The following ENPP6 variants were observed in gnomAD, a reference collection of about 807,000 sequenced individuals.
The protein encoded by ENPP6 is glycerophosphocholine cholinephosphodiesterase ENPP6.
In ENPP6, 32 loss-of-function variants were observed where a neutral mutation model predicts 42.0. The ratio of observed to expected loss-of-function variants is 0.76; its 90% CI spans 0.58 to 1.02. The LOEUF is 1.02. ENPP6 is among the 50% of genes least tolerant of loss of function. The pLI is 0.00. For synonymous variants in ENPP6, 213 were observed against 216.0 expected (o/e 0.99, Z 0.12); for missense variants, 552 against 566.8 (o/e 0.97, Z 0.27).
At chr4:184,201,849 G>A (rs987056866) in intron 1 of ENPP6, among the ~76,000 whole-genome samples, 1 of 152,176 alleles carries the variant, frequency 6.6e-6, no homozygotes, top group Non-Finnish European at 1.5e-5. Context: ...CTTAATCGAG[G>A]CTCATTACAG....
intron 7 of ENPP6, among the ~76,000 whole-genome samples, chr4:184,094,516 T>C (rs1351989056): frequency 6.6e-6 from 1 of 152,226 alleles, no homozygotes; most frequent in South Asian, 2.1e-4. Context: ...CAGGCTGGAA[T>C]GAGAAAGCTT....
chr4:184,183,271 C>G (rs1476257349), intron 1 of ENPP6, among the ~76,000 whole-genome samples: 1 of 152,182 alleles, frequency 6.6e-6, no homozygotes, highest in East Asian at 1.9e-4. Flanking sequence ...ATTAGGCAGA[C>G]ACTGAGTATG....
chr4:184,208,364 G>A lies in ENPP6; in HGVS notation c.241+9215C>T, dbSNP rs570525847. On this transcript the variant is annotated intron_variant, in intron 1 of 7. Transcript: ENST00000296741. ...CACTAGGGAGTGCCAGACAGTGGGC[G>A]CAGGTCAGTGGGTGCGCGCACCCTG... is the stretch of plus-strand genomic sequence containing the variant. Among the ~76,000 whole-genome samples the A allele has an allele frequency of 1.4e-4, 22 of 152,300 alleles. 1 individual carries two copies. The South Asian group carries it at 2.5e-3, about 17-fold the overall frequency.
At chr4:184,101,198 AGT>A (rs1166908944) in intron 6 of ENPP6, among the ~76,000 whole-genome samples, 2 of 151,516 alleles carry the variant, frequency 1.3e-5, no homozygotes, top group African/African-American at 2.4e-5. Context: ...TGTGTATGAG[AGT>A]GTGTGAGTGC....
intron 3 of ENPP6, among the ~76,000 whole-genome samples, chr4:184,123,169 G>C (rs1579620838): frequency 6.6e-6 from 1 of 152,174 alleles, no homozygotes; most frequent in African/African-American, 2.4e-5. Context: ...ACAGCTCTGT[G>C]GGGGTGGCTG....
Position 184,149,657 on chromosome 4 carries a change from A to T in ENPP6, c.421+3897T>A, listed in dbSNP as rs17583822. On this transcript the variant is annotated intron_variant, in intron 2 of 7. Transcript: ENST00000296741. ...CTCCCTACTGCTTGGCTGTAGGGAG[A>T]TAACATTGCAAAATGCATGGTGGGA... Among the ~76,000 whole-genome samples, 1,466 of 152,320 alleles carry T rather than the reference A, an allele frequency of 9.6e-3. 12 individuals are homozygous for T. Among genetic ancestry groups the T allele is most frequent in the Middle Eastern group, 0.02 (6 of 294 alleles).
At chr4:184,131,270 TCCTTCCTTC>T (rs1560987537) in intron 2 of ENPP6, among the ~76,000 whole-genome samples, 14 of 111,262 alleles carry the variant, frequency 1.3e-4, no homozygotes, top group Admixed American at 6.9e-4. Flanking sequence ...CTTCCTTCCT[TCCTTCCTTC>T]CTTCCTTCCT....
intron 1 of ENPP6, among the ~76,000 whole-genome samples, chr4:184,207,393 C>G (rs1733019141): frequency 6.6e-6 from 1 of 152,240 alleles, no homozygotes; most frequent in Admixed American, 6.5e-5. Flanking sequence ...TACCCATGAC[C>G]TGGATTGAAC....
chr4:184,199,189 C>T (rs150116848), intron 1 of ENPP6, among the ~76,000 whole-genome samples: 53 of 152,342 alleles, frequency 3.5e-4, no homozygotes, highest in East Asian at 3.5e-3. Context: ...GGAGCCGAGG[C>T]GTCTTCTCTC....
intron 1 of ENPP6, among the ~76,000 whole-genome samples, chr4:184,208,022 C>T (rs201208738): frequency 0.22 from 32,703 of 151,980 alleles, 4,292 homozygotes; most frequent in East Asian, 0.72. Context: ...ACTTGGTCAC[C>T]TTTAAAGACC....
chr4:184,208,531 C>T lies in ENPP6; in HGVS notation c.241+9048G>A, dbSNP rs570733719. Among the ~76,000 whole-genome samples the T allele has an allele frequency of 9.2e-5, 14 of 152,154 alleles. No homozygotes were observed. The South Asian group carries it at 1.0e-3, about 11-fold the overall frequency. On this transcript the variant is annotated intron_variant, in intron 1 of 7. Coordinates refer to ENST00000296741, the MANE Select transcript of ENPP6 (RefSeq NM_153343.4). Reference sequence around the variant, plus strand: ...CCACCCAAATACTGCGCTTTTCCGACGGGCTTAAAAAACGGCGGACCACGA... The same window carrying T: ...CCACCCAAATACTGCGCTTTTCCGATGGGCTTAAAAAACGGCGGACCACGA...
chr4:184,100,257 T>C (rs1202929038), intron 6 of ENPP6, among the ~76,000 whole-genome samples: 1 of 152,148 alleles, frequency 6.6e-6, no homozygotes, highest in Non-Finnish European at 1.5e-5. Flanking sequence ...GCAGCCATGA[T>C]TTCCTTCTTT....
In ENPP6 at chr4:184,090,941, A is replaced by G. The variant is rs1298929551; in HGVS notation, c.*236T>C. ...GTGAAAAGAAAGGAGAAAATGACAT[A>G]TAACTGCACAAATGGAAAGCTAGGA... On this transcript the variant is annotated 3_prime_UTR_variant, in exon 8 of 8. Coordinates refer to ENST00000296741, the MANE Select transcript of ENPP6 (RefSeq NM_153343.4). The G allele has an allele frequency of 1.5e-5, 7 of 464,632 alleles. No homozygotes were observed. Among genetic ancestry groups the G allele is most frequent in the Middle Eastern group, 5.4e-4 (1 of 1,842 alleles). 28.8% of individuals were successfully genotyped at this position (464,632 alleles called of 1,614,324 possible). A position where few individuals can be genotyped will look rare whatever the true frequency, so the allele number is the denominator to read the frequency against.
chr4:184,154,763 GT>G (rs1419499572), intron 1 of ENPP6, among the ~76,000 whole-genome samples: 3 of 152,104 alleles, frequency 2.0e-5, no homozygotes, highest in African/African-American at 7.2e-5. Flanking sequence ...AGCAAAAATG[GT>G]TTTCACCCAA....
rs779153660 is a variant in ENPP6 at position 184,131,259 on chromosome 4, T to TCTTCCTTCCTTCCTTCCTTCCTTCCTTC, written c.422-7015_422-6988dup. 1.2e-3 allele frequency among the ~76,000 whole-genome samples: 90 copies of TCTTCCTTCCTTCCTTCCTTCCTTCCTTC among 73,326 alleles called. 1 individual carries two copies. The highest frequency in any genetic ancestry group is 1.7e-3 in the Admixed American group (12 of 7,220). The allele number at this position is 73,326 out of a possible 152,430, so 48.1% of individuals were successfully genotyped here. ...CCTTTTCTTTCTTTCTTTCTCTTTC[T>TCTTCCTTCCTTCCTTCCTTCCTTCCTTC]CTTCCTTCCTTCCTTCCTTCCTTCC... On this transcript the variant is annotated intron_variant, in intron 2 of 7. Transcript: ENST00000296741.
In ENPP6 at chr4:184,088,733, T is replaced by A. The variant is rs1421126244; in HGVS notation, c.*2444A>T. 1 of 152,232 alleles carries A rather than the reference T, an allele frequency of 6.6e-6. No homozygotes were observed. The highest frequency in any genetic ancestry group is 2.4e-5 in the African/African-American group (1 of 41,464). 9.4% of individuals were successfully genotyped at this position (152,232 alleles called of 1,614,324 possible). A position where few individuals can be genotyped will look rare whatever the true frequency, so the allele number is the denominator to read the frequency against. On this transcript the variant is annotated 3_prime_UTR_variant, in exon 8 of 8. Coordinates refer to ENST00000296741, the MANE Select transcript of ENPP6 (RefSeq NM_153343.4). ...CATTATTTAAGTAAAAAGCTTTATT[T>A]TTTTCCCTCAGTGTCTGAATCTTCT...
intron 3 of ENPP6, among the ~76,000 whole-genome samples, 199 bp from the exon 4 acceptor site, chr4:184,118,099 A>C (rs536913486): frequency 6.6e-6 from 1 of 152,356 alleles, no homozygotes; most frequent in South Asian, 2.1e-4. Context: ...GCTGGTCCTG[A>C]GCAATTCTTT....
In ENPP6 at chr4:184,117,009, G is replaced by A. The variant is rs756401332; in HGVS notation, c.702C>T (p.Asn234=). 2.2e-5 allele frequency: 36 copies of A among 1,614,070 alleles called. No individual in the cohort carries two copies. The Middle Eastern group carries it at 4.9e-4, about 22-fold the overall frequency. The change falls in exon 5 of 8, where the codon AAC becomes AAT. Residue 234 remains asparagine, a synonymous_variant. Transcript: ENST00000296741. ...TTCCGTGATCCGAGAAAATAATGAC[G>A]TTCAGGCGGTCCTGCAGGCCCCGCT... ...IQERGLQDRL[N]VIIFSDHGMT...
chr4:184,201,705 G>A (rs1732907565), intron 1 of ENPP6, among the ~76,000 whole-genome samples: 1 of 151,564 alleles, frequency 6.6e-6, no homozygotes, highest in South Asian at 2.1e-4. Context: ...TGATGTGCTG[G>A]GAGACATTAT....
Sources: allele counts gnomAD v4.1 joint callset (sites outside exome capture counted in the v4.1 genomes callset), GRCh38; gene constraint gnomAD v4.1.1; transcripts MANE v1.5; gene names NCBI Gene and HGNC (gene_info 2026-07-23, HGNC 2026-07-21).